Variants in ATXN1 observed in about 807,000 individuals in gnomAD.
ATXN1 encodes ataxin 1.
ATXN1 carries 8 observed loss-of-function variants against 56.4 expected under a neutral mutation model. The observed-to-expected ratio is 0.14, with a 90% CI of 0.08 to 0.26. The LOEUF (loss-of-function observed/expected upper bound fraction) is 0.26, where lower values mean the gene tolerates loss of function less well. Among genes scored for constraint, ATXN1 ranks in the 10% least tolerant of loss-of-function variants. The pLI is 1.00. For missense variants in ATXN1, 987 were observed against 1,106.5 expected (o/e 0.89, Z 1.53); for synonymous variants, 514 against 494.6 (o/e 1.04, Z -0.52).
chr6:16,698,285 T>C (rs991079291), intron 2 of ATXN1, among the ~76,000 whole-genome samples: 3 of 152,236 alleles, frequency 2.0e-5, no homozygotes, highest in African/African-American at 7.2e-5. Context: ...TGTATTAACA[T>C]GTGAGGAAGC....
At chr6:16,752,127 C>T (rs1333277561) in intron 2 of ATXN1, among the ~76,000 whole-genome samples, 1 of 152,138 alleles carries the variant, frequency 6.6e-6, no homozygotes, top group African/African-American at 2.4e-5. Context: ...GCAGCTCTTT[C>T]TTCAAAGAAA....
At chr6:16,600,741 G>A (rs991794894) in intron 3 of ATXN1, among the ~76,000 whole-genome samples, 1 of 152,188 alleles carries the variant, frequency 6.6e-6, no homozygotes, top group African/African-American at 2.4e-5. Flanking sequence ...TGGAATAAAT[G>A]AATGAAAGAA....
Position 16,327,728 on chromosome 6 carries a change from C to T in ATXN1, c.583G>A (p.Ala195Thr), listed in dbSNP as rs920735636. The T allele has an allele frequency of 1.0e-5, 16 of 1,544,934 alleles. No individual in the cohort carries two copies. In the African/African-American group the frequency reaches 2.2e-4, roughly 21 times the overall value. The part of the protein sequence containing the change: ...GSLSQTPGHK[A>T]EQQQQQQQQQ... ...TGCTGCTGCTGCTGCTGCTGCTCAGCCTTGTGTCCCGGCGTCTGGCTCAGA... is the reference window on the plus strand; with the variant it reads ...TGCTGCTGCTGCTGCTGCTGCTCAGTCTTGTGTCCCGGCGTCTGGCTCAGA... The change falls in exon 7 of 8, where the codon GCT becomes ACT. Residue 195 changes from alanine to threonine, a missense_variant. Physicochemically the swap from Ala to Thr is moderately conservative, Grantham distance 58 (BLOSUM62 0). Around this residue, in one of 3 missense-constraint regions of ATXN1, gnomAD observed 723 missense variants for 791.7 expected, o/e 0.91. Coordinates refer to ENST00000436367, the MANE Select transcript of ATXN1 (RefSeq NM_001128164.2).
intron 5 of ATXN1, among the ~76,000 whole-genome samples, chr6:16,497,076 C>T (rs543963855): frequency 1.6e-4 from 24 of 152,176 alleles, no homozygotes; most frequent in Non-Finnish European, 1.2e-4. Flanking sequence ...AAATAAGAGG[C>T]CTTTTACAAA....
intron 6 of ATXN1, among the ~76,000 whole-genome samples, chr6:16,477,571 G>A (rs1161947786): frequency 1.3e-5 from 2 of 152,186 alleles, no homozygotes; most frequent in Non-Finnish European, 2.9e-5. Context: ...AGGAAAAGGG[G>A]CCAAGAGGGA....
chr6:16,432,064 C>T (rs1255924573), intron 6 of ATXN1, among the ~76,000 whole-genome samples: 1 of 152,088 alleles, frequency 6.6e-6, no homozygotes, highest in African/African-American at 2.4e-5. Flanking sequence ...CCAAATGGTA[C>T]TAATATAAAA....
rs988877510 is a variant in ATXN1 at position 16,515,004 on chromosome 6, T to A, written c.-299+7623A>T. Among the ~76,000 whole-genome samples the A allele has an allele frequency of 5.3e-5, 8 of 150,946 alleles. No homozygotes were observed. In the East Asian group the frequency reaches 5.8e-4, roughly 11 times the overall value. The stretch of plus-strand genomic sequence containing the variant: ...CTCAAAATAATAATAATAATAATAA[T>A]TAATAATAATAATATCCATAAAGTA... On this transcript the variant is annotated intron_variant, in intron 5 of 7. Transcript: ENST00000436367.
rs541074216 is a variant in ATXN1 at position 16,393,845 on chromosome 6, G to A, written c.-160-65375C>T. 5.9e-5 allele frequency among the ~76,000 whole-genome samples: 9 copies of A among 151,386 alleles called. No individual in the cohort carries two copies. The East Asian group carries it at 1.8e-3, about 30-fold the overall frequency. Reference sequence around the variant, plus strand: ...AGTCTGGCCAACACAGTGAAATCTTGTCTGTATTACAATAAAGTGTAATAC... The same window carrying A: ...AGTCTGGCCAACACAGTGAAATCTTATCTGTATTACAATAAAGTGTAATAC... On this transcript the variant is annotated intron_variant, in intron 6 of 7. Coordinates refer to ENST00000436367, the MANE Select transcript of ATXN1 (RefSeq NM_001128164.2).
chr6:16,686,306 A>AT (rs1010009889), intron 2 of ATXN1, among the ~76,000 whole-genome samples: 4 of 152,200 alleles, frequency 2.6e-5, no homozygotes, highest in African/African-American at 9.7e-5. Flanking sequence ...AAAGGTATAC[A>AT]TACACTTCCG....
Position 16,306,623 on chromosome 6 carries a change from G to A in ATXN1, c.2154C>T (p.Gly718=), listed in dbSNP as rs917485776. 11 of 1,614,262 alleles carry A rather than the reference G, an allele frequency of 6.8e-6. No homozygotes were observed. The highest frequency in any genetic ancestry group is 1.1e-5 in the South Asian group (1 of 91,088). The stretch of plus-strand genomic sequence containing the variant: ...CCTGCTCGGCATACCTGTGTCTGCT[G>A]CCCGCCAGGCCGTCGGCCTTTGAGT... ...LKHSKADGLA[G]SRHRYAEQEN... is the part of the protein sequence containing the mutation. The change falls in exon 8 of 8, where the codon GGC becomes GGT. Residue 718 remains glycine (G), a synonymous_variant. Coordinates refer to ENST00000436367, the MANE Select transcript of ATXN1 (RefSeq NM_001128164.2). The surrounding 1 kb of genome is among the most constrained non-coding windows in gnomAD (Gnocchi z 5.2).
intron 2 of ATXN1, among the ~76,000 whole-genome samples, chr6:16,696,202 T>G (rs1270505008): frequency 6.6e-6 from 1 of 152,184 alleles, no homozygotes; most frequent in Non-Finnish European, 1.5e-5. Flanking sequence ...ATGATTCAGC[T>G]TAGTGATTTT....
chr6:16,395,536 A>C lies in ATXN1; in HGVS notation c.-160-67066T>G, dbSNP rs74291719. ...AATGTAATAGTGTAATACATTACTC[A>C]TATGTTTGTGGTGATGCTGGTATAT... is the stretch of plus-strand genomic sequence containing the variant. On this transcript the variant is annotated intron_variant, in intron 6 of 7. Coordinates refer to ENST00000436367, the MANE Select transcript of ATXN1 (RefSeq NM_001128164.2). Among the ~76,000 whole-genome samples the C allele has an allele frequency of 2.9e-4, 44 of 152,240 alleles. No homozygotes were observed. The East Asian group carries it at 8.1e-3, about 28-fold the overall frequency.
intron 3 of ATXN1, among the ~76,000 whole-genome samples, chr6:16,648,504 C>G (rs1379453925): frequency 1.3e-5 from 2 of 152,154 alleles, no homozygotes; most frequent in African/African-American, 4.8e-5. Context: ...GTTTGCAACC[C>G]CATGGCTAGT....
intron 6 of ATXN1, among the ~76,000 whole-genome samples, chr6:16,445,494 ATGTGTTTG>A (rs1759614358): frequency 6.6e-6 from 1 of 151,948 alleles, no homozygotes; most frequent in South Asian, 2.1e-4. Context: ...CTGCTTTCAA[ATGTGTTTG>A]ATATTTCTTT....
chr6:16,340,731 T>C (rs758551150), intron 6 of ATXN1, among the ~76,000 whole-genome samples: 13 of 152,168 alleles, frequency 8.5e-5, no homozygotes, highest in Non-Finnish European at 1.5e-4. Flanking sequence ...AGTAATAAAA[T>C]ATAACAACGT....
chr6:16,731,283 A>G (rs1176342423), intron 2 of ATXN1, among the ~76,000 whole-genome samples: 2 of 152,046 alleles, frequency 1.3e-5, no homozygotes, highest in Non-Finnish European at 2.9e-5. Context: ...GTATTAACAG[A>G]GCCAGGGAAG....
At chr6:16,418,542 A>C (rs1190574172) in intron 6 of ATXN1, among the ~76,000 whole-genome samples, 1 of 151,892 alleles carries the variant, frequency 6.6e-6, no homozygotes, top group African/African-American at 2.4e-5. Context: ...ACCATGCAAT[A>C]CTCCTTTTTT....
chr6:16,471,351 A>T (rs1561908893), intron 6 of ATXN1, among the ~76,000 whole-genome samples: 1 of 152,200 alleles, frequency 6.6e-6, no homozygotes, highest in African/African-American at 2.4e-5. Context: ...AAACTGAACT[A>T]TGGTTAGTAA....
intron 2 of ATXN1, among the ~76,000 whole-genome samples, chr6:16,684,796 T>C (rs1255260432): frequency 6.6e-6 from 1 of 152,124 alleles, no homozygotes; most frequent in African/African-American, 2.4e-5. Context: ...ATATAACCTA[T>C]AAAATTTTAG....
Sources: gnomAD v4.1 joint callset for allele counts (sites outside exome capture counted in the v4.1 genomes callset) on GRCh38, gnomAD v4.1.1 for gene constraint, gnomAD v4.1.1 regional missense constraint, Gnocchi (gnomAD v3.1) non-coding constraint, MANE v1.5 for transcripts, NCBI Gene and HGNC (gene_info 2026-07-23, HGNC 2026-07-21) for gene names.